Variants in NBAS observed in about 807,000 individuals in gnomAD.
The protein encoded by NBAS is NBAS subunit of NRZ tethering complex, also known as NAG/BC035112 fusion.
In NBAS, 219 loss-of-function variants were observed where a neutral mutation model predicts 302.5. The ratio of observed to expected loss-of-function variants is 0.72; its 90% CI spans 0.65 to 0.81. The LOEUF is 0.81. Among genes scored for constraint, NBAS ranks in the 30% least tolerant of loss-of-function variants. The probability of loss-of-function intolerance (pLI) is 0.00; values close to 1 mark genes in which losing one functional copy is unlikely to be tolerated. For missense variants in NBAS, 2,932 were observed against 2,841.6 expected (o/e 1.03, Z -0.72); for synonymous variants, 1,118 against 1,021.6 (o/e 1.09, Z -1.80).
At chr2:14,947,420 A>C in the NBAS span, among the ~76,000 whole-genome samples, 1 of 152,154 alleles carries the variant, frequency 6.6e-6, no homozygotes, top group Admixed American at 6.5e-5. Context: ...ATCTAAAAGA[A>C]ACAAATAAAT....
At chr2:14,783,320 T>A in the NBAS span, among the ~76,000 whole-genome samples, 1 of 151,534 alleles carries the variant, frequency 6.6e-6, no homozygotes, top group Non-Finnish European at 1.5e-5. Flanking sequence ...TTCTTTTTTT[T>A]ATTATTATTA....
At chr2:15,034,296 G>GAA in the NBAS span, among the ~76,000 whole-genome samples, 4,248 of 102,296 alleles carry the variant, frequency 0.042, 246 homozygotes, top group African/African-American at 0.069. Context: ...AAGAAAGAAA[G>GAA]AAAGAAAGAT....
rs987553267 is a variant in NBAS, at chr2:15,338,839, G to A, written c.4180-8074C>T. 7.9e-5 allele frequency among the ~76,000 whole-genome samples: 12 copies of A among 152,022 alleles called. 1 individual carries two copies. In the South Asian group the frequency reaches 8.3e-4, roughly 11 times the overall value. On this transcript the variant is annotated intron_variant, in intron 35 of 51. Coordinates refer to ENST00000281513, the MANE Select transcript of NBAS (RefSeq NM_015909.4). ...AGCCTGGGTAAAATATTGAGACCCC[G>A]TATCTAAAATAAATAAAATAAAAAT...
chr2:14,877,590 G>A, the NBAS span, among the ~76,000 whole-genome samples: 212 of 152,336 alleles, frequency 1.4e-3, 2 homozygotes, highest in African/African-American at 5.0e-3. Context: ...TCAGGAAGGA[G>A]TGGTATCTTC....
At chr2:15,473,143 A>T in intron 16 of NBAS, 79 bp downstream of exon 16, 1 of 1,487,814 alleles carries the variant, frequency 6.7e-7, no homozygotes. Context: ...AATGTAAAGT[A>T]CTCTAAAATG....
chr2:15,204,019 T>C lies in NBAS; in HGVS notation c.6433-13616A>G, dbSNP rs993013531. ...CATGTCTATAATGCATCCAGCACTT[T>C]GGGAGGTTGGGGCAGCAGGACTGCT... On this transcript the variant is annotated intron_variant, in intron 48 of 51. Coordinates refer to ENST00000281513, the MANE Select transcript of NBAS (RefSeq NM_015909.4). 3.9e-5 allele frequency among the ~76,000 whole-genome samples: 6 copies of C among 152,034 alleles called. 1 individual carries two copies. In the South Asian group the frequency reaches 8.3e-4, roughly 21 times the overall value.
chr2:15,379,922 T>G (rs902549952), intron 29 of NBAS, 91 bp from the exon 30 acceptor site: 1 of 1,184,006 alleles, frequency 8.4e-7, no homozygotes, highest in African/African-American at 1.5e-5. Context: ...TGAAAGAAAT[T>G]AAAAACACAT....
At chr2:14,910,397 T>C in the NBAS span, among the ~76,000 whole-genome samples, 1 of 152,202 alleles carries the variant, frequency 6.6e-6, no homozygotes, top group Non-Finnish European at 1.5e-5. Context: ...CCCTAAGCTT[T>C]CATCTTGCCC....
intron 44 of NBAS, among the ~76,000 whole-genome samples, chr2:15,264,453 C>T (rs17610576): frequency 0.041 from 6,265 of 152,196 alleles, 181 homozygotes; most frequent in Non-Finnish European, 0.06. Context: ...CGTACATGGT[C>T]CTTTGGCCAA....
chr2:15,453,195 G>C (rs1679098880), intron 21 of NBAS, among the ~76,000 whole-genome samples: 2 of 152,144 alleles, frequency 1.3e-5, no homozygotes, highest in Admixed American at 1.3e-4. Flanking sequence ...GTGGGGCAGA[G>C]AGCACAAAAG....
At chr2:15,123,990 G>C in the NBAS span, among the ~76,000 whole-genome samples, 2 of 152,198 alleles carry the variant, frequency 1.3e-5, no homozygotes, top group African/African-American at 4.8e-5. Context: ...ACAAGGGAAA[G>C]CTTGGAACTT....
At chr2:14,788,555 T>A in the NBAS span, among the ~76,000 whole-genome samples, 1 of 152,214 alleles carries the variant, frequency 6.6e-6, no homozygotes, top group East Asian at 1.9e-4. Flanking sequence ...GACCCTCAGC[T>A]GCAGGTCTGT....
At chr2:14,971,602 C>G in the NBAS span, among the ~76,000 whole-genome samples, 1 of 152,120 alleles carries the variant, frequency 6.6e-6, no homozygotes, top group African/African-American at 2.4e-5. Context: ...CCACCACCAC[C>G]ATCAACCTGT....
chr2:14,949,629 G>A, the NBAS span, among the ~76,000 whole-genome samples: 71 of 152,056 alleles, frequency 4.7e-4, no homozygotes, highest in Non-Finnish European at 7.2e-4. Flanking sequence ...ATGAATGAAC[G>A]GATAAAGAAA....
the NBAS span, among the ~76,000 whole-genome samples, chr2:14,803,543 A>G: frequency 6.6e-6 from 1 of 152,050 alleles, no homozygotes; most frequent in Non-Finnish European, 1.5e-5. Context: ...GGAGTTACTC[A>G]TTTGTTTCCC....
the NBAS span, among the ~76,000 whole-genome samples, chr2:15,004,667 A>ATTTTTTTTT: frequency 3.8e-5 from 4 of 105,454 alleles, no homozygotes; most frequent in African/African-American, 1.1e-4. Flanking sequence ...CTCCCAGCTG[A>ATTTTTTTTT]TTTTTTTTTT....
chr2:14,792,791 G>A, the NBAS span, among the ~76,000 whole-genome samples: 6 of 152,186 alleles, frequency 3.9e-5, 1 homozygote, highest in South Asian at 1.2e-3. Flanking sequence ...CAACTTGAAT[G>A]AGAAAAGGTA....
intron 23 of NBAS, among the ~76,000 whole-genome samples, chr2:15,420,976 A>G (rs1011025648): frequency 6.6e-6 from 1 of 152,158 alleles, no homozygotes; most frequent in African/African-American, 2.4e-5. Flanking sequence ...AGTGGTCCAA[A>G]TAAATATAAG....
rs1672220164 is a variant in NBAS, at chr2:15,329,418, G to A, written c.4348-1106C>T. 2.6e-5 allele frequency among the ~76,000 whole-genome samples: 4 copies of A among 152,074 alleles called. No homozygotes were observed. In the South Asian group the frequency reaches 8.3e-4, roughly 32 times the overall value. On this transcript the variant is annotated intron_variant, in intron 36 of 51. Coordinates refer to ENST00000281513, the MANE Select transcript of NBAS (RefSeq NM_015909.4). ...TTCCCACTGCCTTCATCACTACCATGGTTCAAACTACCCACTTCTCTCACC... is the reference window on the plus strand; with the variant it reads ...TTCCCACTGCCTTCATCACTACCATAGTTCAAACTACCCACTTCTCTCACC...
Sources: allele counts gnomAD v4.1 joint callset (sites outside exome capture counted in the v4.1 genomes callset), GRCh38; gene constraint gnomAD v4.1.1; transcripts MANE v1.5; gene names NCBI Gene and HGNC (gene_info 2026-07-23, HGNC 2026-07-21).